The following PHACTR2 variants were observed in gnomAD, a reference collection of about 807,000 sequenced individuals.
The protein encoded by PHACTR2 is chromosome 6 open reading frame 56.
Under a neutral mutation model 76.0 loss-of-function variants are expected in PHACTR2, and 30 were observed. That is an observed-to-expected ratio of 0.39 (90% CI 0.30 to 0.54). The LOEUF (loss-of-function observed/expected upper bound fraction) is 0.54, where lower values mean the gene tolerates loss of function less well. Among genes scored for constraint, PHACTR2 ranks in the 20% least tolerant of loss-of-function variants. PHACTR2 has a pLI of 0.61. For synonymous variants in PHACTR2, 292 were observed against 292.5 expected, an observed-to-expected ratio of 1.00 and a Z score of 0.02; for missense variants, 696 against 781.1, an observed-to-expected ratio of 0.89 and a Z score of 1.30.
At chr6:143,576,373 C>T (rs1020244168) in intron 1 of PHACTR2, among the ~76,000 whole-genome samples, 2 of 152,130 alleles carry the variant, frequency 1.3e-5, no homozygotes, top group African/African-American at 4.8e-5. Flanking sequence ...AGCAAGTTTG[C>T]TGAATTGCAT....
rs1433766986 is a variant in PHACTR2, at chr6:143,823,968, G to A, written c.*279G>A. ...TTCTTCATCAGAAGCTTTAATCAAA[G>A]AAGATGAGCAGAAGACAATCACTGG... On this transcript the variant is annotated 3_prime_UTR_variant, in exon 13 of 13. Coordinates refer to ENST00000440869, the MANE Select transcript of PHACTR2 (RefSeq NM_001100164.2). This position sits in a 1 kb window ranked among gnomAD's most constrained non-coding sequence, Gnocchi z 5.7. 1.9e-5 allele frequency: 6 copies of A among 314,922 alleles called. No individual in the cohort carries two copies. Among genetic ancestry groups the A allele is most frequent in the Non-Finnish European group, 3.5e-5 (6 of 172,128 alleles). 19.5% of individuals were successfully genotyped at this position (314,922 alleles called of 1,614,324 possible).
intron 4 of PHACTR2, among the ~76,000 whole-genome samples, chr6:143,758,184 T>A (rs1279740701): frequency 6.6e-6 from 1 of 152,220 alleles, no homozygotes; most frequent in Non-Finnish European, 1.5e-5. Flanking sequence ...AGAAGCTGGA[T>A]TCTTTCCGGT....
At chr6:143,804,515 A>C (rs1776025482) in intron 11 of PHACTR2, among the ~76,000 whole-genome samples, 1 of 152,232 alleles carries the variant, frequency 6.6e-6, no homozygotes, top group Non-Finnish European at 1.5e-5. Context: ...GGGAATAGCA[A>C]AGTCACATTG....
chr6:143,802,674 A>C (rs1365985757), intron 11 of PHACTR2, among the ~76,000 whole-genome samples: 1 of 148,756 alleles, frequency 6.7e-6, no homozygotes, highest in Non-Finnish European at 1.5e-5. Context: ...ATCAGTCCTA[A>C]TTACATATAT....
chr6:143,712,535 T>TTAGA (rs34769763), intron 2 of PHACTR2, among the ~76,000 whole-genome samples: 96,698 of 150,720 alleles, frequency 0.64, 31,047 homozygotes, highest in East Asian at 0.7. Flanking sequence ...ACACATGATG[T>TTAGA]TATATATTTA....
intron 11 of PHACTR2, among the ~76,000 whole-genome samples, chr6:143,792,723 G>A (rs1238401371): frequency 6.6e-6 from 1 of 152,084 alleles, no homozygotes; most frequent in Non-Finnish European, 1.5e-5. Context: ...CAGAGACTGG[G>A]CTCAATTCTG....
intron 11 of PHACTR2, 64 bp downstream of exon 11, chr6:143,788,974 C>T (rs773612991): frequency 1.7e-5 from 25 of 1,462,072 alleles, no homozygotes; most frequent in Non-Finnish European, 2.1e-5. Flanking sequence ...ATATCCACAT[C>T]CCCCCTACTT....
intron 1 of PHACTR2, among the ~76,000 whole-genome samples, chr6:143,582,022 T>C (rs769686105): frequency 2.0e-5 from 3 of 152,128 alleles, no homozygotes; most frequent in Admixed American, 2.0e-4. Flanking sequence ...ACCGTCAATA[T>C]GAGGAAAAGC....
chr6:143,772,555 G>A lies in PHACTR2; in HGVS notation c.1432+98G>A. ...AAGCCTCATTAGGAACCAGACATCT[G>A]ATGTTTTCTTTCCCCTCATCCTCCT... On this transcript the variant is annotated intron_variant, in intron 7 of 12. Transcript: ENST00000440869. The surrounding 1 kb of genome is among the most constrained non-coding windows in gnomAD (Gnocchi z 5.4). The A allele has an allele frequency of 1.2e-6, 1 of 836,828 alleles. No individual in the cohort carries two copies. The highest frequency in any genetic ancestry group is 1.9e-6 in the Non-Finnish European group (1 of 519,724). The allele number at this position is 836,828 out of a possible 1,614,324, so 51.8% of individuals were successfully genotyped here.
rs1011498265 is a variant in PHACTR2 at position 143,648,474 on chromosome 6, A to G, written c.13+40152A>G. Reference sequence around the variant, plus strand: ...CTGGGAGGGGGGGACGAGGAGGAACAGACCAAACAAAGCATGGCTGATAGA... The same window carrying G: ...CTGGGAGGGGGGGACGAGGAGGAACGGACCAAACAAAGCATGGCTGATAGA... On this transcript the variant is annotated intron_variant, in intron 1 of 11. Transcript: ENST00000305766. The surrounding 1 kb of genome is among the most constrained non-coding windows in gnomAD (Gnocchi z 6.7). Among the ~76,000 whole-genome samples the G allele has an allele frequency of 6.6e-6, 1 of 152,224 alleles. No individual in the cohort carries two copies. Among genetic ancestry groups the G allele is most frequent in the African/African-American group, 2.4e-5 (1 of 41,448 alleles).
In PHACTR2 at chr6:143,683,767, A is replaced by C. The variant is rs1317625630; in HGVS notation, c.46+5558A>C. Among the ~76,000 whole-genome samples, 1 of 152,220 alleles carries C rather than the reference A, an allele frequency of 6.6e-6. No homozygotes were observed. The highest frequency in any genetic ancestry group is 1.9e-4 in the East Asian group (1 of 5,198). On this transcript the variant is annotated intron_variant, in intron 1 of 12. Coordinates refer to ENST00000440869, the MANE Select transcript of PHACTR2 (RefSeq NM_001100164.2). The surrounding 1 kb of genome is among the most constrained non-coding windows in gnomAD (Gnocchi z 4.1). ...TATTCCATAATATATACATGGTAGG[A>C]AGTCAAACATTACAAGATGGTTTGG...
Position 143,775,986 on chromosome 6 carries a change from C to T in PHACTR2, c.1590-1342C>T, listed in dbSNP as rs1775264419. ...TTTCTACTAAAAATACAAATATTAG[C>T]CAGCTATGATGACTGGCACCTGTAA... On this transcript the variant is annotated intron_variant, in intron 8 of 12. Coordinates refer to ENST00000440869, the MANE Select transcript of PHACTR2 (RefSeq NM_001100164.2). This position sits in a 1 kb window ranked among gnomAD's most constrained non-coding sequence, Gnocchi z 4.4. Among the ~76,000 whole-genome samples the T allele has an allele frequency of 6.6e-6, 1 of 152,060 alleles. No individual in the cohort carries two copies. The highest frequency in any genetic ancestry group is 6.6e-5 in the Admixed American group (1 of 15,264).
At position 143,806,423 on chromosome 6, in the gene PHACTR2, G is replaced by A. The variant is rs1268904746; in HGVS notation, c.1846-634G>A. 2.0e-5 allele frequency among the ~76,000 whole-genome samples: 3 copies of A among 152,098 alleles called. No homozygotes were observed. The highest frequency in any genetic ancestry group is 4.4e-5 in the Non-Finnish European group (3 of 68,000). On this transcript the variant is annotated intron_variant, in intron 11 of 12. Transcript: ENST00000440869. The surrounding 1 kb of genome is among the most constrained non-coding windows in gnomAD (Gnocchi z 5.8). ...GCTAGTCAAAGCCATGTTGTTGTAG[G>A]CAATATTCTATGTAGAACTTTCCAT...
chr6:143,706,125 C>T lies in PHACTR2; in HGVS notation c.47-5891C>T, dbSNP rs116575764. Among the ~76,000 whole-genome samples the T allele has an allele frequency of 7.7e-3, 1,176 of 152,306 alleles. 12 individuals carry two copies. The highest frequency in any genetic ancestry group is 0.027 in the African/African-American group (1,109 of 41,570). On this transcript the variant is annotated intron_variant, in intron 1 of 12. Coordinates refer to ENST00000440869, the MANE Select transcript of PHACTR2 (RefSeq NM_001100164.2). ...TTTGGAAACTCTTGAGTGGGCTCCT[C>T]TGTCCCTTTAACCTACCTCCTCCCA...
rs535520513 is a variant in PHACTR2, at chr6:143,617,808, A to C, written c.13+9486A>C. On this transcript the variant is annotated intron_variant, in intron 1 of 11. Transcript: ENST00000305766. This position sits in a 1 kb window ranked among gnomAD's most constrained non-coding sequence, Gnocchi z 4.8. Reference sequence around the variant, plus strand: ...AATGTATCAGGATAGGAACAACGGAAACTGAAGCCAGACTTTCTATAATCC... The same window carrying C: ...AATGTATCAGGATAGGAACAACGGACACTGAAGCCAGACTTTCTATAATCC... 2.0e-5 allele frequency among the ~76,000 whole-genome samples: 3 copies of C among 152,334 alleles called. No individual in the cohort carries two copies. In the East Asian group the frequency reaches 5.8e-4, roughly 29 times the overall value.
chr6:143,825,964 ATAG>A lies in PHACTR2; in HGVS notation c.*2276_*2278del, dbSNP rs944722426. 1.3e-5 allele frequency: 2 copies of A among 152,128 alleles called. No individual in the cohort carries two copies. Among genetic ancestry groups the A allele is most frequent in the Admixed American group, 6.5e-5 (1 of 15,274 alleles). 9.4% of individuals were successfully genotyped at this position (152,128 alleles called of 1,614,324 possible). A position where few individuals can be genotyped will look rare whatever the true frequency, so the allele number is the denominator to read the frequency against. ...ATTTCAAAATTGCATTTCTTGTATA[ATAG>A]GTCAGATTTATTAACTACTCATACT... On this transcript the variant is annotated 3_prime_UTR_variant, in exon 13 of 13. Coordinates refer to ENST00000440869, the MANE Select transcript of PHACTR2 (RefSeq NM_001100164.2). This position sits in a 1 kb window ranked among gnomAD's most constrained non-coding sequence, Gnocchi z 4.1.
Position 143,700,802 on chromosome 6 carries a change from A to G in PHACTR2, c.47-11214A>G, listed in dbSNP as rs1464720047. Among the ~76,000 whole-genome samples the G allele has an allele frequency of 1.3e-5, 2 of 152,170 alleles. No homozygotes were observed. Among genetic ancestry groups the G allele is most frequent in the African/African-American group, 2.4e-5 (1 of 41,440 alleles). On this transcript the variant is annotated intron_variant, in intron 1 of 12. Transcript: ENST00000440869. The surrounding 1 kb of genome is among the most constrained non-coding windows in gnomAD (Gnocchi z 4.1). ...AAACACAGCACACACTCTACACACC[A>G]TGACCTGCTCCACTTCAGACTCCGG...
intron 1 of PHACTR2, among the ~76,000 whole-genome samples, chr6:143,542,947 C>G (rs1467845314): frequency 6.6e-6 from 1 of 152,172 alleles, no homozygotes; most frequent in Non-Finnish European, 1.5e-5. Flanking sequence ...TTCGTCCATT[C>G]ATTCAATTAG....
intron 5 of PHACTR2, among the ~76,000 whole-genome samples, chr6:143,762,473 AG>A (rs1413553299): frequency 1.3e-5 from 2 of 152,254 alleles, no homozygotes; most frequent in African/African-American, 4.8e-5. Flanking sequence ...AGGCTATCAC[AG>A]AGAAAACAGG....
Sources: gnomAD v4.1 joint callset for allele counts (sites outside exome capture counted in the v4.1 genomes callset) on GRCh38, gnomAD v4.1.1 for gene constraint, Gnocchi (gnomAD v3.1) non-coding constraint, MANE v1.5 for transcripts, NCBI Gene and HGNC (gene_info 2026-07-23, HGNC 2026-07-21) for gene names.